CLEC16A: variants seen among roughly 807,000 people sequenced by gnomAD.
The protein encoded by CLEC16A is protein CLEC16A.
CLEC16A carries 51 observed loss-of-function variants against 109.5 expected under a neutral mutation model. The ratio of observed to expected loss-of-function variants is 0.47; its 90% CI spans 0.37 to 0.59. CLEC16A has a LOEUF of 0.59. Among genes scored for constraint, CLEC16A ranks in the 20% least tolerant of loss-of-function variants. CLEC16A has a pLI of 0.00. For missense variants in CLEC16A, 1,339 were observed against 1,394.0 expected (o/e 0.96, Z 0.63); for synonymous variants, 673 against 564.2 (o/e 1.19, Z -2.73).
chr16:11,098,802 G>C (rs1252247197), intron 19 of CLEC16A, among the ~76,000 whole-genome samples: 1 of 152,174 alleles, frequency 6.6e-6, no homozygotes, highest in Non-Finnish European at 1.5e-5. Flanking sequence ...CAACTCCTTC[G>C]TTCAAGAGCC....
At chr16:11,066,987 T>TA (rs1360343673) in intron 19 of CLEC16A, among the ~76,000 whole-genome samples, 2 of 152,018 alleles carry the variant, frequency 1.3e-5, no homozygotes, top group African/African-American at 4.8e-5. Context: ...TAGTCATTTT[T>TA]AAAAAAAGCA....
chr16:11,175,285 C>T (rs894024589), intron 23 of CLEC16A, among the ~76,000 whole-genome samples: 4 of 152,194 alleles, frequency 2.6e-5, no homozygotes, highest in Non-Finnish European at 5.9e-5. Flanking sequence ...GATGTCTGTC[C>T]GCTGCTTATG....
intron 18 of CLEC16A, among the ~76,000 whole-genome samples, chr16:11,054,577 C>T (rs2048113102): frequency 6.6e-6 from 1 of 152,184 alleles, no homozygotes; most frequent in Non-Finnish European, 1.5e-5. Context: ...ACTCTCAAGT[C>T]CTCCCAGGGT....
intron 16 of CLEC16A, among the ~76,000 whole-genome samples, chr16:11,044,712 C>T (rs2047540969): frequency 6.6e-6 from 1 of 151,894 alleles, no homozygotes; most frequent in African/African-American, 2.4e-5. Context: ...AGGTGGATCA[C>T]CTGAGGTCGG....
rs1275225487 is a variant in CLEC16A, at chr16:11,039,734, A to G, written c.1538-20A>G. The G allele has an allele frequency of 3.2e-6, 5 of 1,586,316 alleles. No homozygotes were observed. Among genetic ancestry groups the G allele is most frequent in the Middle Eastern group, 1.7e-4 (1 of 6,030 alleles). On this transcript the variant is annotated intron_variant, in intron 13 of 23. Coordinates refer to ENST00000409790, the MANE Select transcript of CLEC16A (RefSeq NM_015226.3). Reference sequence around the variant, plus strand: ...AGGTAGTCAGGAGGCCTCCACTTACATCCTTCTCCTCTGTTCCAGGCATGG... The same window carrying G: ...AGGTAGTCAGGAGGCCTCCACTTACGTCCTTCTCCTCTGTTCCAGGCATGG...
At chr16:11,032,380 C>A (rs2046793432) in intron 13 of CLEC16A, among the ~76,000 whole-genome samples, 1 of 152,144 alleles carries the variant, frequency 6.6e-6, no homozygotes, top group East Asian at 1.9e-4. Context: ...CTGCACCTCT[C>A]AGAATGGGTT....
At chr16:10,969,473 T>C (rs2042674808) in intron 4 of CLEC16A, among the ~76,000 whole-genome samples, 164 bp downstream of exon 4, 2 of 152,114 alleles carry the variant, frequency 1.3e-5, no homozygotes, top group African/African-American at 4.8e-5. Flanking sequence ...TTGGCATGTT[T>C]AAAAAATTTT....
At chr16:10,998,117 A>G (rs1043630698) in intron 10 of CLEC16A, among the ~76,000 whole-genome samples, 3 of 152,132 alleles carry the variant, frequency 2.0e-5, no homozygotes, top group African/African-American at 4.8e-5. Flanking sequence ...ATCCCTGGGG[A>G]TTCACCTTTC....
At chr16:11,167,773 C>T (rs946592418) in intron 23 of CLEC16A, among the ~76,000 whole-genome samples, 9 of 152,232 alleles carry the variant, frequency 5.9e-5, no homozygotes, top group Admixed American at 3.9e-4. Flanking sequence ...ATGACCACCC[C>T]TTCTGAGCTA....
chr16:10,981,678 G>A (rs762236150), intron 9 of CLEC16A, among the ~76,000 whole-genome samples: 7 of 152,126 alleles, frequency 4.6e-5, no homozygotes, highest in Non-Finnish European at 7.4e-5. Context: ...TTTAAACAAC[G>A]TTTTTTAAAG....
intron 13 of CLEC16A, chr16:11,027,330 G>C: frequency 7.0e-7 from 1 of 1,429,354 alleles, no homozygotes; most frequent in African/African-American, 1.4e-5. Context: ...GAGTTTACTG[G>C]TGCAGAGAAC....
intron 13 of CLEC16A, among the ~76,000 whole-genome samples, chr16:11,031,751 G>A (rs2046754513): frequency 6.6e-6 from 1 of 152,156 alleles, no homozygotes; most frequent in African/African-American, 2.4e-5. Context: ...CCCATGTAGC[G>A]AGAAGTGCAA....
chr16:11,074,624 T>C (rs1597297351), intron 19 of CLEC16A, among the ~76,000 whole-genome samples: 1 of 152,220 alleles, frequency 6.6e-6, no homozygotes, highest in East Asian at 1.9e-4. Context: ...TTTCCCTGTT[T>C]TATAAACTTA....
At chr16:11,157,650 T>C (rs2054583364) in intron 22 of CLEC16A, among the ~76,000 whole-genome samples, 1 of 152,174 alleles carries the variant, frequency 6.6e-6, no homozygotes, top group Non-Finnish European at 1.5e-5. Context: ...TGCTTTTGTT[T>C]CTCTTTGGTT....
At chr16:10,981,546 T>A (rs2043321262) in intron 9 of CLEC16A, among the ~76,000 whole-genome samples, 1 of 152,218 alleles carries the variant, frequency 6.6e-6, no homozygotes, top group African/African-American at 2.4e-5. Flanking sequence ...TTCCCCTTGT[T>A]CAAACAGTAC....
chr16:11,104,513 G>A (rs2051105747), intron 19 of CLEC16A, among the ~76,000 whole-genome samples: 1 of 152,160 alleles, frequency 6.6e-6, no homozygotes, highest in Non-Finnish European at 1.5e-5. Context: ...CCTGGGCCAG[G>A]ATCTGCTCTC....
At chr16:11,047,438 C>A in intron 17 of CLEC16A, 96 bp downstream of exon 17, 1 of 832,860 alleles carries the variant, frequency 1.2e-6, no homozygotes, top group South Asian at 2.3e-5. Context: ...TGACTTAGGG[C>A]TTTGTGACCA....
At chr16:11,163,394 G>A (rs541990455) in intron 22 of CLEC16A, among the ~76,000 whole-genome samples, 3 of 152,342 alleles carry the variant, frequency 2.0e-5, no homozygotes, top group East Asian at 3.9e-4. Context: ...AGGGAAGTGG[G>A]AGTTTTAGTA....
At chr16:10,992,491 A>G (rs999463282) in intron 10 of CLEC16A, among the ~76,000 whole-genome samples, 4 of 135,314 alleles carry the variant, frequency 3.0e-5, no homozygotes, top group Non-Finnish European at 6.7e-5. Flanking sequence ...ATATTAAAAC[A>G]TCAAATTGTA....
Sources: allele counts gnomAD v4.1 joint callset (sites outside exome capture counted in the v4.1 genomes callset), GRCh38; gene constraint gnomAD v4.1.1; transcripts MANE v1.5; gene names NCBI Gene and HGNC (gene_info 2026-07-23, HGNC 2026-07-21).